Variants in LRRC58 observed in about 807,000 individuals in gnomAD.
LRRC58 encodes leucine rich repeat containing 58.
A neutral mutation model predicts 30.6 loss-of-function variants in LRRC58; 18 were observed. The observed-to-expected ratio is 0.59, with a 90% CI of 0.41 to 0.87. The LOEUF is 0.87. LRRC58 is among the 40% of genes least tolerant of loss of function. The pLI is 0.00. For synonymous variants in LRRC58, 221 were observed against 206.0 expected, an observed-to-expected ratio of 1.07 and a Z score of -0.62; for missense variants, 420 against 468.4, an observed-to-expected ratio of 0.90 and a Z score of 0.95.
rs139389957 is a variant in LRRC58 at position 120,332,784 on chromosome 3, G to A, written c.908-1376C>T. Among the ~76,000 whole-genome samples the A allele has an allele frequency of 5.2e-4, 78 of 151,446 alleles. 1 individual carries two copies. The East Asian group carries it at 0.012, about 24-fold the overall frequency. ...TTTTTTTAAGAGACAGGGTTTCACT[G>A]TGTCACCCAGGCTGGAGTGCAGTGA... On this transcript the variant is annotated intron_variant, in intron 3 of 3. Coordinates refer to ENST00000295628, the MANE Select transcript of LRRC58 (RefSeq NM_001099678.2).
At position 120,325,876 on chromosome 3, in the gene LRRC58, T is replaced by C. The variant is rs1194599288; in HGVS notation, c.*5324A>G. The C allele has an allele frequency of 6.6e-6, 1 of 152,228 alleles. No homozygotes were observed. Among genetic ancestry groups the C allele is most frequent in the Non-Finnish European group, 1.5e-5 (1 of 68,034 alleles). 9.4% of individuals were successfully genotyped at this position (152,228 alleles called of 1,614,324 possible). On this transcript the variant is annotated 3_prime_UTR_variant, in exon 4 of 4. Coordinates refer to ENST00000295628, the MANE Select transcript of LRRC58 (RefSeq NM_001099678.2). ...TTATTTCAGGGGACCCTGATTCTTATGACTTTGACATCCTGGGACAGAATG... is the reference window on the plus strand; with the variant it reads ...TTATTTCAGGGGACCCTGATTCTTACGACTTTGACATCCTGGGACAGAATG...
At position 120,331,046 on chromosome 3, in the gene LRRC58, G is replaced by C. The variant is rs1040888688; in HGVS notation, c.*154C>G. The C allele has an allele frequency of 1.6e-6, 1 of 635,348 alleles. No individual in the cohort carries two copies. The highest frequency in any genetic ancestry group is 2.8e-6 in the Non-Finnish European group (1 of 353,574). 39.4% of individuals were successfully genotyped at this position (635,348 alleles called of 1,614,324 possible). Reference sequence around the variant, plus strand: ...GGGACTGGACTCATTCTTGCTGAATGGGTAGATGAAACACAAAATGTTTTA... The same window carrying C: ...GGGACTGGACTCATTCTTGCTGAATCGGTAGATGAAACACAAAATGTTTTA... On this transcript the variant is annotated 3_prime_UTR_variant, in exon 4 of 4. Transcript: ENST00000295628.
At position 120,331,173 on chromosome 3, in the gene LRRC58, G is replaced by C. The variant is rs757355348; in HGVS notation, c.*27C>G. The C allele has an allele frequency of 3.1e-6, 5 of 1,599,542 alleles. No individual in the cohort carries two copies. In the South Asian group the frequency reaches 5.5e-5, roughly 18 times the overall value. ...CTAACCATTTTGCTCAGTTTTTTAA[G>C]TATTTCACAACACTGTGCACTCCTG... On this transcript the variant is annotated 3_prime_UTR_variant, in exon 4 of 4. Transcript: ENST00000295628.
At chr3:120,344,083 AAACAAC>A (rs1053765241) in intron 1 of LRRC58, among the ~76,000 whole-genome samples, 1 of 151,874 alleles carries the variant, frequency 6.6e-6, no homozygotes, top group African/African-American at 2.4e-5. Flanking sequence ...AAAAACCCCC[AAACAAC>A]AACAACAACA....
intron 1 of LRRC58, among the ~76,000 whole-genome samples, chr3:120,338,721 C>T (rs1203303670): frequency 6.6e-6 from 1 of 152,216 alleles, no homozygotes; most frequent in Non-Finnish European, 1.5e-5. Context: ...GGACTGTGGT[C>T]ATCAAAGAGA....
intron 1 of LRRC58, among the ~76,000 whole-genome samples, chr3:120,348,353 C>T (rs1936001701): frequency 6.6e-6 from 1 of 152,126 alleles, no homozygotes; most frequent in African/African-American, 2.4e-5. Flanking sequence ...GATCAGAGCA[C>T]CTTGTACGCC....
chr3:120,341,917 G>A (rs1436984493), intron 1 of LRRC58, among the ~76,000 whole-genome samples: 1 of 152,096 alleles, frequency 6.6e-6, no homozygotes, highest in Non-Finnish European at 1.5e-5. Context: ...TGCTCTAGGG[G>A]GAGGGCTGGG....
intron 1 of LRRC58, among the ~76,000 whole-genome samples, chr3:120,347,193 T>C (rs1259714839): frequency 6.6e-6 from 1 of 152,066 alleles, no homozygotes; most frequent in Admixed American, 6.5e-5. Flanking sequence ...TCCCCAATAC[T>C]TGGGACAGTG....
At chr3:120,332,238 T>C (rs1218204035) in intron 3 of LRRC58, among the ~76,000 whole-genome samples, 1 of 152,228 alleles carries the variant, frequency 6.6e-6, no homozygotes, top group Non-Finnish European at 1.5e-5. Context: ...TGGAGAGGAA[T>C]CTCAAGCTCT....
rs1375327184 is a variant in LRRC58, at chr3:120,326,010, A to C, written c.*5190T>G. On this transcript the variant is annotated 3_prime_UTR_variant, in exon 4 of 4. Transcript: ENST00000295628. ...CTTTCTCCCTCAAATCAAATGAAAA[A>C]GGTAACAAGGCTGTCACAAACAACT... 6.6e-6 allele frequency: 1 copy of C among 152,154 alleles called. No individual in the cohort carries two copies. Among genetic ancestry groups the C allele is most frequent in the Non-Finnish European group, 1.5e-5 (1 of 68,024 alleles). 9.4% of individuals were successfully genotyped at this position (152,154 alleles called of 1,614,324 possible).
intron 1 of LRRC58, among the ~76,000 whole-genome samples, chr3:120,338,429 C>A (rs1165931736): frequency 6.6e-6 from 1 of 152,162 alleles, no homozygotes; most frequent in Non-Finnish European, 1.5e-5. Flanking sequence ...AAGTTCTTGA[C>A]CTGAATAAGT....
At chr3:120,332,840 C>T (rs1285452991) in intron 3 of LRRC58, among the ~76,000 whole-genome samples, 1 of 151,960 alleles carries the variant, frequency 6.6e-6, no homozygotes, top group Non-Finnish European at 1.5e-5. Flanking sequence ...CCCTTGAACT[C>T]CTGGACCCAA....
Position 120,348,959 on chromosome 3 carries a change from C to T in LRRC58, c.285G>A (p.Thr95=), listed in dbSNP as rs1936015222. The T allele has an allele frequency of 1.9e-6, 3 of 1,544,102 alleles. No homozygotes were observed. Among genetic ancestry groups the T allele is most frequent in the East Asian group, 2.5e-5 (1 of 40,802 alleles). Residue 95 remains threonine, a synonymous_variant, in exon 1 of 4, where the codon ACG becomes ACA. Coordinates refer to ENST00000295628, the MANE Select transcript of LRRC58 (RefSeq NM_001099678.2). ...PELLALRGLR[T]LLAKNNRLGG... ...CGAGCCGGTTGTTCTTGGCCAGCAG[C>T]GTGCGCAGGCCGCGCAGAGCGAGCA...
rs780150669 is a variant in LRRC58, at chr3:120,335,907, G to C, written c.547C>G (p.Pro183Ala). 6.3e-7 allele frequency: 1 copy of C among 1,599,496 alleles called. No individual in the cohort carries two copies. The highest frequency in any genetic ancestry group is 8.6e-7 in the Non-Finnish European group (1 of 1,167,338). Residue 183 changes from proline (P) to alanine (A), a missense_variant, in exon 2 of 4, where the codon CCA becomes GCA. This residue lies in a region of LRRC58 where 266 missense variants were observed against 251.7 expected (regional missense o/e 1.06). Transcript: ENST00000295628. ...LGGNFIKEIP[P>A]ELGNLPSLNY... ...AGAGAAGGCAGATTTCCTAATTCTG[G>C]TGGGATTTCTTTAATGAAATTTCCT... is the stretch of plus-strand genomic sequence containing the variant.
chr3:120,347,373 A>G (rs1336588058), intron 1 of LRRC58, among the ~76,000 whole-genome samples: 1 of 79,442 alleles, frequency 1.3e-5, no homozygotes, highest in Non-Finnish European at 2.6e-5. Flanking sequence ...TTCCCAGGCC[A>G]ATATTCTTTT....
Position 120,335,001 on chromosome 3 carries a change from G to C in LRRC58, c.768C>G (p.Thr256=), listed in dbSNP as rs1392843959. ...PLVVRFVRDL[T]YDPPTLLELA... is the part of the protein sequence containing the mutation. ...ATTCCAGGAGAGTTGGAGGATCATA[G>C]GTTAAATCTCTAACAAAACGAACAA... Residue 256 remains threonine (T), a synonymous_variant, in exon 3 of 4, where the codon ACC becomes ACG. Coordinates refer to ENST00000295628, the MANE Select transcript of LRRC58 (RefSeq NM_001099678.2). The C allele has an allele frequency of 6.2e-7, 1 of 1,613,754 alleles. No homozygotes were observed. Among genetic ancestry groups the C allele is most frequent in the African/African-American group, 1.3e-5 (1 of 74,906 alleles).
intron 1 of LRRC58, among the ~76,000 whole-genome samples, chr3:120,337,424 A>C (rs1047393835): frequency 6.6e-6 from 1 of 152,216 alleles, no homozygotes; most frequent in African/African-American, 2.4e-5. Flanking sequence ...ATATCTTTAG[A>C]GAATTACCTG....
At chr3:120,341,791 G>A (rs1935907627) in intron 1 of LRRC58, among the ~76,000 whole-genome samples, 1 of 152,008 alleles carries the variant, frequency 6.6e-6, no homozygotes, top group Non-Finnish European at 1.5e-5. Flanking sequence ...CAGCTGTGGT[G>A]GCCCAACCTG....
intron 3 of LRRC58, among the ~76,000 whole-genome samples, chr3:120,334,462 C>T (rs1272348891): frequency 1.3e-5 from 2 of 151,964 alleles, no homozygotes; most frequent in Non-Finnish European, 2.9e-5. Flanking sequence ...GAGCCGAGAT[C>T]GCGCCACTGC....
Sources: allele counts gnomAD v4.1 joint callset (sites outside exome capture counted in the v4.1 genomes callset), GRCh38; gene constraint gnomAD v4.1.1; regional missense constraint gnomAD v4.1.1; transcripts MANE v1.5; gene names NCBI Gene and HGNC (gene_info 2026-07-23, HGNC 2026-07-21).